Variants in IL34 observed in about 807,000 individuals in gnomAD.
IL34 encodes the protein interleukin 34, also known as interleukin-34.
In IL34, 17 loss-of-function variants were observed where a neutral mutation model predicts 25.3. That is an observed-to-expected ratio of 0.67 (90% CI 0.46 to 1.01). The LOEUF is 1.01. Ranked by LOEUF, IL34 falls within the 50% of genes least tolerant of loss-of-function variation. The probability of loss-of-function intolerance (pLI) is 0.00; values close to 1 mark genes in which losing one functional copy is unlikely to be tolerated. For synonymous variants in IL34, 174 were observed against 140.9 expected, an observed-to-expected ratio of 1.23 and a Z score of -1.66; for missense variants, 368 against 312.9, an observed-to-expected ratio of 1.18 and a Z score of -1.33.
intron 1 of IL34, among the ~76,000 whole-genome samples, chr16:70,613,174 AAAT>A (rs2051116859): frequency 6.6e-6 from 1 of 152,216 alleles, no homozygotes; most frequent in African/African-American, 2.4e-5. Flanking sequence ...GCAACTGAAA[AAAT>A]AATTTTGTGA....
At chr16:70,659,116 G>A (rs569227462) in intron 4 of IL34, among the ~76,000 whole-genome samples, 7 of 152,198 alleles carry the variant, frequency 4.6e-5, no homozygotes, top group African/African-American at 9.6e-5. Flanking sequence ...TTGGTGCCAC[G>A]GTGCACCCCA....
At chr16:70,620,017 G>A (rs1024296055) in intron 1 of IL34, among the ~76,000 whole-genome samples, 4 of 151,898 alleles carry the variant, frequency 2.6e-5, no homozygotes, top group African/African-American at 7.2e-5. Flanking sequence ...ATGTGGCTGG[G>A]GTTTGTCTCA....
At chr16:70,585,472 T>C (rs1249097880) in intron 1 of IL34, among the ~76,000 whole-genome samples, 1 of 151,884 alleles carries the variant, frequency 6.6e-6, no homozygotes, top group Non-Finnish European at 1.5e-5. Flanking sequence ...GCAGATGGAT[T>C]ACGAGGAGAT....
chr16:70,624,044 G>A (rs1451277309), intron 1 of IL34, among the ~76,000 whole-genome samples: 3 of 152,040 alleles, frequency 2.0e-5, no homozygotes, highest in Non-Finnish European at 4.4e-5. Context: ...TGATCAGGCA[G>A]CGTCAGTCTT....
At chr16:70,599,584 T>G (rs1237291691) in intron 1 of IL34, among the ~76,000 whole-genome samples, 1 of 151,270 alleles carries the variant, frequency 6.6e-6, no homozygotes, top group Non-Finnish European at 1.5e-5. Flanking sequence ...GCCAGGTTGG[T>G]CTCAGGTCTC....
chr16:70,611,091 G>A (rs561072871), intron 1 of IL34, among the ~76,000 whole-genome samples: 36 of 152,224 alleles, frequency 2.4e-4, no homozygotes, highest in East Asian at 1.5e-3. Context: ...CAGTCCTCCC[G>A]CCTCAGCCTC....
chr16:70,653,537 A>T (rs2052134562), intron 1 of IL34, among the ~76,000 whole-genome samples: 1 of 152,122 alleles, frequency 6.6e-6, no homozygotes, highest in South Asian at 2.1e-4. Context: ...GGTCTCTACA[A>T]AAAATACAAA....
chr16:70,628,563 T>C (rs1443743748), intron 1 of IL34, among the ~76,000 whole-genome samples: 1 of 151,648 alleles, frequency 6.6e-6, no homozygotes, highest in Non-Finnish European at 1.5e-5. Flanking sequence ...CTTGGCTCAC[T>C]GCAATCTCCG....
chr16:70,581,273 C>T (rs1272551553), intron 1 of IL34, among the ~76,000 whole-genome samples: 4 of 152,156 alleles, frequency 2.6e-5, no homozygotes, highest in African/African-American at 7.2e-5. Context: ...TTAAGGTCCA[C>T]GTGGTATTCA....
In IL34 at chr16:70,656,896, A is replaced by AG. The variant is rs567226249; in HGVS notation, c.241-61dup. ...CCTATGCAGGGGCAAGTCCCTGGTG[A>AG]GGGAGTGGTCAGAGCCCAGAGGCCC... On this transcript the variant is annotated intron_variant, in intron 3 of 5. Transcript: ENST00000288098. 412 of 1,530,700 alleles carry AG rather than the reference A, an allele frequency of 2.7e-4. 4 individuals are homozygous for AG. The Middle Eastern group carries it at 8.0e-3, about 30-fold the overall frequency. 94.8% of individuals were successfully genotyped at this position (1,530,700 alleles called of 1,614,324 possible).
intron 1 of IL34, among the ~76,000 whole-genome samples, chr16:70,635,070 G>A (rs944385685): frequency 1.2e-4 from 18 of 152,104 alleles, no homozygotes; most frequent in East Asian, 1.9e-4. Context: ...TTGGTCATTC[G>A]TCTTATGGCC....
chr16:70,638,691 G>A (rs1037286446), intron 1 of IL34, among the ~76,000 whole-genome samples: 4 of 152,034 alleles, frequency 2.6e-5, no homozygotes, highest in Admixed American at 6.6e-5. Context: ...TGGACCTCCC[G>A]GGGTCAAGCC....
intron 1 of IL34, among the ~76,000 whole-genome samples, chr16:70,648,151 T>A (rs2051987187): frequency 6.6e-6 from 1 of 152,050 alleles, no homozygotes; most frequent in East Asian, 1.9e-4. Flanking sequence ...GGAATCGTGA[T>A]TGGGAGTTCC....
chr16:70,647,871 C>T (rs979951684), intron 1 of IL34, among the ~76,000 whole-genome samples: 7 of 152,174 alleles, frequency 4.6e-5, no homozygotes, highest in African/African-American at 1.4e-4. Flanking sequence ...CTGGAAACCC[C>T]TAGGTCATGA....
chr16:70,597,800 T>C (rs973058573), intron 1 of IL34, among the ~76,000 whole-genome samples: 1 of 152,184 alleles, frequency 6.6e-6, no homozygotes, highest in Admixed American at 6.5e-5. Context: ...CTCTCCAGAA[T>C]AGGCCAGGAA....
intron 1 of IL34, among the ~76,000 whole-genome samples, chr16:70,584,545 T>G (rs953116172): frequency 6.6e-6 from 1 of 152,154 alleles, no homozygotes; most frequent in Non-Finnish European, 1.5e-5. Context: ...GCTCATGCCT[T>G]TCCCAGCATG....
At chr16:70,581,841 G>A (rs1418867298) in intron 1 of IL34, among the ~76,000 whole-genome samples, 1 of 152,190 alleles carries the variant, frequency 6.6e-6, no homozygotes, top group African/African-American at 2.4e-5. Flanking sequence ...CTAGCACTTT[G>A]GGAGGCTGAG....
At position 70,654,548 on chromosome 16, in the gene IL34, C is replaced by A. The variant is rs1193791730; in HGVS notation, c.39C>A (p.Ile13=). 2 of 1,609,826 alleles carry A rather than the reference C, an allele frequency of 1.2e-6. No homozygotes were observed. The highest frequency in any genetic ancestry group is 2.2e-5 in the East Asian group (1 of 44,712). Reference sequence around the variant, plus strand: ...GGGTGTGGTCCACAGATCTTGGGATCTTCCTTGGCGTGGCCTTGGGGAATG... The same window carrying A: ...GGGTGTGGTCCACAGATCTTGGGATATTCCTTGGCGTGGCCTTGGGGAATG... ...RGFTWLRYLG[I]FLGVALGNEP... Residue 13 remains isoleucine, a synonymous_variant, in exon 2 of 6, where the codon ATC becomes ATA. Coordinates refer to ENST00000288098, the MANE Select transcript of IL34 (RefSeq NM_001393494.1).
intron 1 of IL34, among the ~76,000 whole-genome samples, chr16:70,638,950 C>T (rs1167410358): frequency 2.6e-5 from 4 of 152,228 alleles, no homozygotes; most frequent in African/African-American, 9.6e-5. Context: ...GGAAATCTAT[C>T]TCCATGTAGG....
Sources: allele counts gnomAD v4.1 joint callset (sites outside exome capture counted in the v4.1 genomes callset), GRCh38; gene constraint gnomAD v4.1.1; transcripts MANE v1.5; gene names NCBI Gene and HGNC (gene_info 2026-07-23, HGNC 2026-07-21).